Variants in PSMA3 observed in about 807,000 individuals in gnomAD.
The protein encoded by PSMA3 is proteasome 20S subunit alpha 3, also known as proteasome subunit alpha type-3.
Under a neutral mutation model 40.0 loss-of-function variants are expected in PSMA3, and 8 were observed. The ratio of observed to expected loss-of-function variants is 0.20; its 90% CI spans 0.12 to 0.36. The LOEUF is 0.36. Ranked by LOEUF, PSMA3 falls within the 10% of genes least tolerant of loss-of-function variation. The pLI, the probability that PSMA3 is intolerant of heterozygous loss-of-function variation, is 1.00. For synonymous variants in PSMA3, 110 were observed against 100.0 expected (o/e 1.10, Z -0.59); for missense variants, 219 against 310.6 (o/e 0.70, Z 2.22).
chr14:58,270,800 G>T, intron 9 of PSMA3, 134 bp from the exon 10 acceptor site: 1 of 816,170 alleles, frequency 1.2e-6, no homozygotes, highest in South Asian at 2.1e-5. Context: ...AAAAATATTC[G>T]AGTATTACTC....
intron 2 of PSMA3, among the ~76,000 whole-genome samples, chr14:58,249,565 T>C (rs1453216766): frequency 6.6e-6 from 1 of 151,950 alleles, no homozygotes; most frequent in African/African-American, 2.4e-5. Flanking sequence ...CAGGCTGGAG[T>C]GCAGTGGTGT....
chr14:58,254,218 G>A (rs1295595727), intron 3 of PSMA3, among the ~76,000 whole-genome samples: 2 of 150,610 alleles, frequency 1.3e-5, no homozygotes, highest in Non-Finnish European at 3.0e-5. Flanking sequence ...ATTATTGCCA[G>A]TGAAACTGAT....
chr14:58,267,761 A>G, intron 8 of PSMA3: 1 of 592,644 alleles, frequency 1.7e-6, no homozygotes, highest in Non-Finnish European at 2.3e-6. Context: ...GTTACAGGTT[A>G]AGGACATATA....
chr14:58,271,617 G>T (rs1259454585), intron 10 of PSMA3, among the ~76,000 whole-genome samples: 1 of 152,126 alleles, frequency 6.6e-6, no homozygotes, highest in Non-Finnish European at 1.5e-5. Flanking sequence ...TTACAGGCAT[G>T]AACACTGCAC....
intron 5 of PSMA3, among the ~76,000 whole-genome samples, chr14:58,259,766 T>A (rs945152032): frequency 6.6e-6 from 1 of 152,052 alleles, no homozygotes; most frequent in African/African-American, 2.4e-5. Flanking sequence ...AGGAAGAGTG[T>A]GAGATGTAGG....
intron 2 of PSMA3, among the ~76,000 whole-genome samples, chr14:58,248,744 C>G (rs1190525249): frequency 6.6e-6 from 1 of 151,460 alleles, no homozygotes; most frequent in Non-Finnish European, 1.5e-5. Context: ...CACCTGAGGT[C>G]AGGAGTTTGA....
At chr14:58,258,836 C>T (rs1890206391) in intron 5 of PSMA3, among the ~76,000 whole-genome samples, 1 of 152,042 alleles carries the variant, frequency 6.6e-6, no homozygotes, top group South Asian at 2.1e-4. Context: ...TCTGAGTGCT[C>T]AGCTGTAGTC....
chr14:58,254,636 A>C (rs1890103502), intron 3 of PSMA3, among the ~76,000 whole-genome samples: 1 of 151,828 alleles, frequency 6.6e-6, no homozygotes, highest in African/African-American at 2.4e-5. Context: ...GTGCCCTGTC[A>C]ACATTAGACA....
intron 2 of PSMA3, 125 bp downstream of exon 2, chr14:58,247,957 C>T: frequency 1.6e-6 from 1 of 623,966 alleles, no homozygotes; most frequent in Admixed American, 3.3e-5. Context: ...TATTCATTTC[C>T]AGATCTCTTT....
intron 9 of PSMA3, 147 bp downstream of exon 9, chr14:58,270,632 T>TCGTC: frequency 7.0e-7 from 1 of 1,421,736 alleles, no homozygotes; most frequent in South Asian, 1.4e-5. Context: ...ATAATTGACT[T>TCGTC]AAGTTGTGAA....
intron 1 of PSMA3, among the ~76,000 whole-genome samples, chr14:58,246,225 A>G (rs1463800566): frequency 6.6e-6 from 1 of 152,114 alleles, no homozygotes; most frequent in Admixed American, 6.6e-5. Context: ...TGATCGTTTA[A>G]TAGTCATTTC....
chr14:58,261,092 TAA>T, intron 6 of PSMA3, 72 bp downstream of exon 6: 3 of 1,041,448 alleles, frequency 2.9e-6, no homozygotes, highest in East Asian at 2.5e-5. Flanking sequence ...AGTCTCATTA[TAA>T]GATTATATGA....
At chr14:58,255,066 C>A (rs1383643529) in intron 3 of PSMA3, among the ~76,000 whole-genome samples, 2 of 152,002 alleles carry the variant, frequency 1.3e-5, no homozygotes, top group Admixed American at 1.3e-4. Flanking sequence ...GTTTATGGTA[C>A]CTTAAGTGTC....
intron 10 of PSMA3, 122 bp from the exon 11 acceptor site, chr14:58,271,729 C>G (rs964549356): frequency 1.0e-5 from 7 of 690,310 alleles, no homozygotes; most frequent in Non-Finnish European, 1.8e-5. Context: ...TGAAACTGTT[C>G]ATTCAGTTAC....
At chr14:58,266,167 G>C (rs1034704745) in intron 7 of PSMA3, 2 of 152,080 alleles carry the variant, frequency 1.3e-5, no homozygotes, top group Non-Finnish European at 1.5e-5. Context: ...ATAATGGTTT[G>C]TCTATTTCCT....
At chr14:58,246,811 T>C (rs1037457649) in intron 1 of PSMA3, among the ~76,000 whole-genome samples, 1 of 152,214 alleles carries the variant, frequency 6.6e-6, no homozygotes, top group Non-Finnish European at 1.5e-5. Context: ...TTATCTTTGC[T>C]TCTGTTGTTC....
At chr14:58,270,820 C>T in intron 9 of PSMA3, 114 bp from the exon 10 acceptor site, 1 of 935,150 alleles carries the variant, frequency 1.1e-6, no homozygotes. Flanking sequence ...CATAGTACAA[C>T]TTTGCAACCT....
intron 8 of PSMA3, 188 bp downstream of exon 8, chr14:58,267,708 TAATG>T: frequency 9.2e-7 from 1 of 1,088,612 alleles, no homozygotes; most frequent in East Asian, 4.0e-5. Flanking sequence ...TTTTTAGTAG[TAATG>T]AATAGGATGG....
At chr14:58,255,078 CAGT>C (rs1566639486) in intron 3 of PSMA3, among the ~76,000 whole-genome samples, 1 of 151,968 alleles carries the variant, frequency 6.6e-6, no homozygotes, top group Non-Finnish European at 1.5e-5. Context: ...TTAAGTGTCT[CAGT>C]AGTTTTTCTC....
Sources: allele counts gnomAD v4.1 joint callset (sites outside exome capture counted in the v4.1 genomes callset), GRCh38; gene constraint gnomAD v4.1.1; transcripts MANE v1.5; gene names NCBI Gene and HGNC (gene_info 2026-07-23, HGNC 2026-07-21).